L3MBTL1: variants seen among roughly 807,000 people sequenced by gnomAD.
The protein encoded by L3MBTL1 is L3MBTL histone methyl-lysine binding protein 1, also known as lethal(3)malignant brain tumor-like protein 1.
In L3MBTL1, 75 loss-of-function variants were observed where a neutral mutation model predicts 105.3. The ratio of observed to expected loss-of-function variants is 0.71; its 90% CI spans 0.59 to 0.86. L3MBTL1 has a LOEUF of 0.86. Ranked by LOEUF, L3MBTL1 falls within the 40% of genes least tolerant of loss-of-function variation. The pLI is 0.00. For synonymous variants in L3MBTL1, 452 were observed against 436.2 expected (o/e 1.04, Z -0.45); for missense variants, 1,069 against 1,126.4 (o/e 0.95, Z 0.73).
At chr20:43,531,003 T>C in intron 11 of L3MBTL1, 114 bp downstream of exon 11, 2 of 830,938 alleles carry the variant, frequency 2.4e-6, no homozygotes, top group Non-Finnish European at 3.8e-6. Context: ...CTCTCAGCTT[T>C]GTTCTGATCT....
At chr20:43,539,457 G>A (rs1185242818) in intron 19 of L3MBTL1, 1 of 162,318 alleles carries the variant, frequency 6.2e-6, no homozygotes, top group Non-Finnish European at 1.4e-5. Context: ...CATCAGCTCA[G>A]TACAGCTGCT....
chr20:43,509,149 CT>C (rs927061627), intron 1 of L3MBTL1, among the ~76,000 whole-genome samples: 3 of 152,162 alleles, frequency 2.0e-5, no homozygotes, highest in African/African-American at 2.4e-5. Context: ...AAAGTTCCCA[CT>C]TTTTTCTTTA....
Position 43,540,222 on chromosome 20 carries a change from T to C in L3MBTL1, c.2245T>C (p.Ser749Pro). Reference sequence around the variant, plus strand: ...GTCGGCCCACCCTGACCGCTCACTCTCAGTGTGCTGGGAGCAGCACTGCAA... The same window carrying C: ...GTCGGCCCACCCTGACCGCTCACTCCCAGTGTGCTGGGAGCAGCACTGCAA... ...ALSAHPDRSLSVCWEQHCKLL... is the reference protein window; with the variant it reads ...ALSAHPDRSLPVCWEQHCKLL... The change falls in exon 20 of 22, where the codon TCA (serine) becomes CCA (proline). Residue 749 changes from serine to proline, a missense_variant. By Grantham distance (74) the Ser-to-Pro change is moderately conservative (BLOSUM62 -1). Transcript: ENST00000418998. The C allele has an allele frequency of 6.2e-7, 1 of 1,613,770 alleles. No individual in the cohort carries two copies. The highest frequency in any genetic ancestry group is 8.5e-7 in the Non-Finnish European group (1 of 1,180,006).
At chr20:43,536,566 G>A (rs1240833573) in intron 19 of L3MBTL1, 108 bp downstream of exon 19, 6 of 1,313,908 alleles carry the variant, frequency 4.6e-6, no homozygotes, top group Admixed American at 3.4e-5. Flanking sequence ...GAAGCTAGAA[G>A]GAGGGCTGTG....
At chr20:43,514,819 G>A in intron 4 of L3MBTL1, 43 bp downstream of exon 4, 2 of 1,504,492 alleles carry the variant, frequency 1.3e-6, no homozygotes, top group South Asian at 1.3e-5. Flanking sequence ...GCCCTGTGCG[G>A]GTGGGGCGAG....
At chr20:43,540,089 T>A (rs770635535) in intron 19 of L3MBTL1, 62 bp from the exon 20 acceptor site, 21 of 1,596,788 alleles carry the variant, frequency 1.3e-5, no homozygotes, top group Non-Finnish European at 1.8e-5. Flanking sequence ...TGGGTATGCA[T>A]GGGCTTCGGG....
In L3MBTL1 at chr20:43,548,212, CAT is replaced by C; in HGVS notation, c.2227_2228del (p.Met743ValfsTer5). On this transcript the variant is annotated frameshift_variant, in exon 19 of 19. Coordinates refer to the L3MBTL1 transcript ENST00000422861. LOFTEE classifies it high-confidence loss of function. Reference sequence around the variant, plus strand: ...CCTTGAAGATCTATAACGCCATTCTCATGTTCAAAAACGCTGATGACACCTTA... The same window carrying C: ...CCTTGAAGATCTATAACGCCATTCTCGTTCAAAAACGCTGATGACACCTTA... The C allele has an allele frequency of 7.7e-7, 1 of 1,304,424 alleles. No individual in the cohort carries two copies. The highest frequency in any genetic ancestry group is 1.0e-6 in the Non-Finnish European group (1 of 989,072). 80.8% of individuals were successfully genotyped at this position (1,304,424 alleles called of 1,614,324 possible).
chr20:43,528,156 G>A (rs190614201), intron 7 of L3MBTL1, among the ~76,000 whole-genome samples: 1 of 152,168 alleles, frequency 6.6e-6, no homozygotes, highest in Non-Finnish European at 1.5e-5. Context: ...GCCTCCCAAA[G>A]TGCTGGGATT....
rs1340428964 is a variant in L3MBTL1, at chr20:43,514,131, G to C, written c.360+70G>C. The C allele has an allele frequency of 7.5e-6, 10 of 1,330,946 alleles. No homozygotes were observed. The Admixed American group carries it at 1.4e-4, about 19-fold the overall frequency. 82.4% of individuals were successfully genotyped at this position (1,330,946 alleles called of 1,614,324 possible). On this transcript the variant is annotated intron_variant, in intron 3 of 21. Transcript: ENST00000418998. ...TGGGGCGGGGCTTGCAGGCCCGGAG[G>C]CTGGACCTGAGACGGAAGTGGGGGA...
At chr20:43,540,726 G>C (rs759776840) in intron 20 of L3MBTL1, 27 bp from the exon 21 acceptor site, 4 of 1,613,024 alleles carry the variant, frequency 2.5e-6, no homozygotes, top group Non-Finnish European at 2.5e-6. Flanking sequence ...CTGTCCCCTG[G>C]TCAACATGTC....
intron 16 of L3MBTL1, 65 bp from the exon 17 acceptor site, chr20:43,535,772 C>T (rs2019571180): frequency 9.3e-7 from 1 of 1,069,666 alleles, no homozygotes; most frequent in Non-Finnish European, 1.4e-6. Context: ...GAAACTGCTC[C>T]TTCCGTGCCC....
chr20:43,541,127 A>G lies in L3MBTL1; in HGVS notation c.2588A>G (p.Ter863=). Residue 863 remains the stop codon, a stop_retained_variant, in exon 22 of 22, where the codon TAA becomes TGA. Coordinates refer to ENST00000418998, the MANE Select transcript of L3MBTL1 (RefSeq NM_001377303.1). ...KLSFASDSQY[*] is the part of the protein sequence containing the mutation. ...AGCTTTGCCAGTGATAGTCAATATT[A>G]AAGTGTACTTTTTTCCCCTTTAATC... 1 of 1,611,922 alleles carries G rather than the reference A, an allele frequency of 6.2e-7. No individual in the cohort carries two copies. Among genetic ancestry groups the G allele is most frequent in the Non-Finnish European group, 8.5e-7 (1 of 1,178,108 alleles).
At chr20:43,529,195 A>G in intron 8 of L3MBTL1, 69 bp from the exon 9 acceptor site, 1 of 1,237,756 alleles carries the variant, frequency 8.1e-7, no homozygotes, top group Non-Finnish European at 1.2e-6. Context: ...CAGCTCCTTC[A>G]CCCCAAGCCC....
At chr20:43,539,813 T>G (rs1159203540) in intron 19 of L3MBTL1, 1 of 391,784 alleles carries the variant, frequency 2.6e-6, no homozygotes. Flanking sequence ...CTTTTGATGG[T>G]TGGCATCTAG....
At chr20:43,534,194 GTT>G in intron 14 of L3MBTL1, 88 bp from the exon 15 acceptor site, 1 of 1,529,902 alleles carries the variant, frequency 6.5e-7, no homozygotes. Context: ...GCAGGCCCCA[GTT>G]TCCCCAGGCA....
chr20:43,531,220 C>G (rs930788009), intron 11 of L3MBTL1: 15 of 264,610 alleles, frequency 5.7e-5, no homozygotes, highest in Admixed American at 2.9e-4. Context: ...CTCTGCAGTT[C>G]TTTGGTGTAA....
chr20:43,533,771 A>T (rs2145465310), intron 13 of L3MBTL1, among the ~76,000 whole-genome samples: 1 of 152,308 alleles, frequency 6.6e-6, no homozygotes, highest in African/African-American at 2.4e-5. Context: ...ACAGGCCAAG[A>T]GTGACAGGAG....
In L3MBTL1 at chr20:43,534,388, G is replaced by A. The variant is rs749481790; in HGVS notation, c.1704G>A (p.Arg568=). 2.3e-4 allele frequency: 375 copies of A among 1,613,932 alleles called. 2 individuals carry two copies. The highest frequency in any genetic ancestry group is 2.5e-5 in the Non-Finnish European group (29 of 1,179,860). The part of the protein sequence containing the change: ...VASVEDVEDH[R]IKIHFDGWSH... ...GCGTGGAGGATGTGGAGGACCATCGGATAAAGGTGGCTCTGGGACCCTAGG... is the reference window on the plus strand; with the variant it reads ...GCGTGGAGGATGTGGAGGACCATCGAATAAAGGTGGCTCTGGGACCCTAGG... Residue 568 remains arginine, a synonymous_variant, in exon 15 of 22, where the codon CGG becomes CGA. Transcript: ENST00000418998.
chr20:43,515,395 G>A lies in L3MBTL1; in HGVS notation c.757G>A (p.Glu253Lys). The A allele has an allele frequency of 6.4e-7, 1 of 1,558,140 alleles. No homozygotes were observed. The highest frequency in any genetic ancestry group is 1.9e-5 in the Admixed American group (1 of 51,398). ...GGAATACCAGAGCCCATCAGAGGAG[G>A]AGTCGGAGCCAGAGGCCATGGTAGG... Reference protein sequence around the residue: ...RREYQSPSEEESEPEAMEKQE... With the variant: ...RREYQSPSEEKSEPEAMEKQE... Residue 253 changes from glutamate to lysine, a missense_variant, in exon 6 of 22, where the codon GAG (glutamate) becomes AAG (lysine). Transcript: ENST00000418998.
Sources: gnomAD v4.1 joint callset for allele counts (sites outside exome capture counted in the v4.1 genomes callset) on GRCh38, gnomAD v4.1.1 for gene constraint, MANE v1.5 for transcripts, NCBI Gene and HGNC (gene_info 2026-07-23, HGNC 2026-07-21) for gene names.